The following RNF115 variants were observed in gnomAD, a reference collection of about 807,000 sequenced individuals.
RNF115 encodes the protein ring finger protein 115.
RNF115 carries 31 observed loss-of-function variants against 39.2 expected under a neutral mutation model. The ratio of observed to expected loss-of-function variants is 0.79; its 90% CI spans 0.59 to 1.07. The LOEUF (loss-of-function observed/expected upper bound fraction) is 1.07, where lower values mean the gene tolerates loss of function less well. RNF115 is among the 50% of genes least tolerant of loss of function. The pLI is 0.00. For missense variants in RNF115, 384 were observed against 381.7 expected, an observed-to-expected ratio of 1.01 and a Z score of -0.05; for synonymous variants, 124 against 131.0, an observed-to-expected ratio of 0.95 and a Z score of 0.37.
At chr1:145,767,256 C>T (rs587770908) in intron 4 of RNF115, among the ~76,000 whole-genome samples, 68 of 143,914 alleles carry the variant, frequency 4.7e-4, no homozygotes, top group African/African-American at 1.6e-3. Flanking sequence ...ACTTCTCAGA[C>T]GGTGTGGCTG....
chr1:145,770,366 G>A (rs1553715568), intron 4 of RNF115, among the ~76,000 whole-genome samples: 1 of 152,136 alleles, frequency 6.6e-6, no homozygotes, highest in Non-Finnish European at 1.5e-5. Flanking sequence ...TGGGGGAAAG[G>A]GGGAGTGTAG....
In RNF115 at chr1:145,751,442, G is replaced by A. The variant is rs1228646264; in HGVS notation, c.569C>T (p.Thr190Ile). The change falls in exon 6 of 9, where the codon ACC becomes ATC. Residue 190 changes from threonine to isoleucine, a missense_variant. Coordinates refer to ENST00000582693, the MANE Select transcript of RNF115 (RefSeq NM_014455.4). Reference sequence around the variant, plus strand: ...CCTCAAAAGGCAGCTCCTCACCTGGGTTACAATGGCATCAAGCCCTGTCTG... The same window carrying A: ...CCTCAAAAGGCAGCTCCTCACCTGGATTACAATGGCATCAAGCCCTGTCTG... ...WGQTGLDAIV[T>I]QLLGQLENTG... The A allele has an allele frequency of 4.6e-5, 73 of 1,581,032 alleles. No homozygotes were observed. Among genetic ancestry groups the A allele is most frequent in the Non-Finnish European group, 6.1e-5 (71 of 1,162,816 alleles).
intron 3 of RNF115, among the ~76,000 whole-genome samples, 162 bp downstream of exon 3, chr1:145,784,377 C>T (rs1273183772): frequency 6.6e-6 from 1 of 152,206 alleles, no homozygotes; most frequent in African/African-American, 2.4e-5. Flanking sequence ...CAAGCCCCAG[C>T]TACTGAAAAC....
chr1:145,782,196 C>T (rs1307168672), intron 3 of RNF115, among the ~76,000 whole-genome samples: 3 of 152,198 alleles, frequency 2.0e-5, no homozygotes, highest in Admixed American at 6.5e-5. Context: ...TAAGCCACCA[C>T]GCCCAGCCTT....
intron 4 of RNF115, among the ~76,000 whole-genome samples, chr1:145,767,991 G>GT (rs1647451941): frequency 6.6e-5 from 10 of 151,982 alleles, no homozygotes; most frequent in Admixed American, 3.3e-4. Flanking sequence ...GAGGGAGACC[G>GT]TGGGGAGAGG....
At chr1:145,770,371 G>C (rs782383779) in intron 4 of RNF115, among the ~76,000 whole-genome samples, 1 of 152,128 alleles carries the variant, frequency 6.6e-6, no homozygotes, top group African/African-American at 2.4e-5. Context: ...GAAAGGGGGA[G>C]TGTAGGCTCT....
intron 1 of RNF115, among the ~76,000 whole-genome samples, chr1:145,797,088 C>T (rs1553720209): frequency 2.0e-5 from 3 of 152,178 alleles, no homozygotes; most frequent in African/African-American, 7.2e-5. Context: ...AATGAAACCT[C>T]AAACCCCTCA....
intron 7 of RNF115, 95 bp downstream of exon 7, chr1:145,750,311 AT>A (rs1658028936): frequency 2.0e-6 from 2 of 978,090 alleles, no homozygotes; most frequent in African/African-American, 1.7e-5. Context: ...TTGTCTTTTT[AT>A]TTTGTTCACT....
At chr1:145,762,375 T>G (rs1315207645) in intron 4 of RNF115, among the ~76,000 whole-genome samples, 1 of 152,206 alleles carries the variant, frequency 6.6e-6, no homozygotes, top group African/African-American at 2.4e-5. Context: ...CTCAGCCATG[T>G]GGAACTATTA....
chr1:145,764,896 C>G (rs982570725), intron 4 of RNF115, among the ~76,000 whole-genome samples: 2 of 152,302 alleles, frequency 1.3e-5, no homozygotes, highest in East Asian at 3.9e-4. Context: ...CCCCTCTGCC[C>G]GGCCACCACC....
At chr1:145,794,378 CAGCCACACA>C (rs1466399574) in intron 1 of RNF115, among the ~76,000 whole-genome samples, 4 of 152,088 alleles carry the variant, frequency 2.6e-5, no homozygotes, top group Admixed American at 6.6e-5. Flanking sequence ...CAGTGTGTTC[CAGCCACACA>C]CTGGACTTCT....
chr1:145,823,861 A>G lies in RNF115; in HGVS notation c.13T>C (p.Ser5Pro), dbSNP rs782447448. 35 of 1,554,594 alleles carry G rather than the reference A, an allele frequency of 2.3e-5. No homozygotes were observed. Among genetic ancestry groups the G allele is most frequent in the Non-Finnish European group, 3.0e-5 (35 of 1,154,054 alleles). Residue 5 changes from serine to proline, a missense_variant, in exon 1 of 9, where the codon TCG becomes CCG. By Grantham distance (74) the Ser-to-Pro change is moderately conservative (BLOSUM62 -1). Coordinates refer to ENST00000582693, the MANE Select transcript of RNF115 (RefSeq NM_014455.4). The stretch of plus-strand genomic sequence containing the variant: ...GCGCCCGAGTCCGCCCCGGCCGCCG[A>G]AGCCTCCGCCATTTTTGCCCTCCGC... MAEA[S>P]AAGADSGAAV... is the part of the protein sequence containing the mutation.
chr1:145,745,815 A>T lies in RNF115; in HGVS notation c.*1051T>A, dbSNP rs1265959464. 6.6e-6 allele frequency: 1 copy of T among 151,986 alleles called. No homozygotes were observed. The highest frequency in any genetic ancestry group is 1.5e-5 in the Non-Finnish European group (1 of 68,022). The allele number at this position is 151,986 out of a possible 1,614,324, so 9.4% of individuals were successfully genotyped here. ...CAAACATCTGTCTTTCTGTGCCTGT[A>T]TGCTGCCCAACTCATTCCCAAAAAG... On this transcript the variant is annotated 3_prime_UTR_variant, in exon 9 of 9. Transcript: ENST00000582693.
Position 145,746,574 on chromosome 1 carries a change from C to A in RNF115, c.*292G>T. On this transcript the variant is annotated 3_prime_UTR_variant, in exon 9 of 9. Transcript: ENST00000582693. ...AACATGACAGACAGCAGGACCCTAA[C>A]TAGACTTTAAGGAATTAATTCTATT... 3.6e-6 allele frequency: 1 copy of A among 280,130 alleles called. No homozygotes were observed. Among genetic ancestry groups the A allele is most frequent in the Non-Finnish European group, 6.7e-6 (1 of 148,244 alleles). 17.4% of individuals were successfully genotyped at this position (280,130 alleles called of 1,614,324 possible).
intron 4 of RNF115, among the ~76,000 whole-genome samples, chr1:145,753,779 C>T (rs1280516809): frequency 2.6e-5 from 4 of 152,234 alleles, no homozygotes; most frequent in East Asian, 1.9e-4. Flanking sequence ...TGCAGTGGAG[C>T]GATCTCGGCT....
chr1:145,763,582 C>T (rs1389379482), intron 4 of RNF115, among the ~76,000 whole-genome samples: 1 of 152,088 alleles, frequency 6.6e-6, no homozygotes, highest in Non-Finnish European at 1.5e-5. Flanking sequence ...GCCTGTAGTC[C>T]CAGCTACTTG....
At chr1:145,760,073 C>G (rs782805989) in intron 4 of RNF115, among the ~76,000 whole-genome samples, 1 of 152,148 alleles carries the variant, frequency 6.6e-6, no homozygotes, top group African/African-American at 2.4e-5. Flanking sequence ...TCATTCTTGA[C>G]TATTTATTGA....
At chr1:145,800,019 G>GCA (rs1475389035) in intron 1 of RNF115, among the ~76,000 whole-genome samples, 1 of 152,142 alleles carries the variant, frequency 6.6e-6, no homozygotes, top group East Asian at 1.9e-4. Context: ...AGATGATGAT[G>GCA]CAGTTTTTGT....
chr1:145,765,797 A>G (rs782286113), intron 4 of RNF115, among the ~76,000 whole-genome samples: 24 of 152,332 alleles, frequency 1.6e-4, no homozygotes, highest in Middle Eastern at 6.8e-3. Flanking sequence ...CACTGAATAA[A>G]TATTTGCAGA....
Sources: gnomAD v4.1 joint callset for allele counts (sites outside exome capture counted in the v4.1 genomes callset) on GRCh38, gnomAD v4.1.1 for gene constraint, MANE v1.5 for transcripts, NCBI Gene and HGNC (gene_info 2026-07-23, HGNC 2026-07-21) for gene names.